VPS13D: variants seen among roughly 807,000 people sequenced by gnomAD.
The protein encoded by VPS13D is intermembrane lipid transfer protein VPS13D.
A neutral mutation model predicts 461.9 loss-of-function variants in VPS13D; 187 were observed. The ratio of observed to expected loss-of-function variants is 0.40; its 90% CI spans 0.36 to 0.46. The LOEUF (loss-of-function observed/expected upper bound fraction) is 0.46, where lower values mean the gene tolerates loss of function less well. Ranked by LOEUF, VPS13D falls within the 20% of genes least tolerant of loss-of-function variation. The probability of loss-of-function intolerance (pLI) is 0.60; values close to 1 mark genes in which losing one functional copy is unlikely to be tolerated. For missense variants in VPS13D, 4,711 were observed against 5,364.9 expected (o/e 0.88, Z 3.81); for synonymous variants, 1,951 against 1,986.3 (o/e 0.98, Z 0.47).
intron 65 of VPS13D, among the ~76,000 whole-genome samples, chr1:12,429,562 C>T (rs1489114380): frequency 6.6e-6 from 1 of 152,124 alleles, no homozygotes; most frequent in Non-Finnish European, 1.5e-5. Flanking sequence ...AAAGTGCTGG[C>T]ATTACAGGCG....
In VPS13D at chr1:12,321,979, T is replaced by C. The variant is rs975810330; in HGVS notation, c.7704+15T>C. The C allele has an allele frequency of 6.2e-7, 1 of 1,613,046 alleles. No individual in the cohort carries two copies. Among genetic ancestry groups the C allele is most frequent in the Non-Finnish European group, 8.5e-7 (1 of 1,179,658 alleles). On this transcript the variant is annotated intron_variant, in intron 33 of 69. Coordinates refer to ENST00000620676, the MANE Select transcript of VPS13D (RefSeq NM_015378.4). ...CTGTCCTGGAGGTAATGATGCAAAA[T>C]CTGTGCAATACGTTGATATGCTCTC... is the stretch of plus-strand genomic sequence containing the variant.
intron 16 of VPS13D, 75 bp from the exon 17 acceptor site, chr1:12,270,919 G>T: frequency 6.5e-7 from 1 of 1,549,650 alleles, no homozygotes; most frequent in Non-Finnish European, 8.8e-7. Flanking sequence ...CATTCTTGGT[G>T]AGAATTGATG....
At chr1:12,482,206 T>C (rs531396222) in intron 67 of VPS13D, among the ~76,000 whole-genome samples, 1 of 152,304 alleles carries the variant, frequency 6.6e-6, no homozygotes, top group South Asian at 2.1e-4. Context: ...CCTCCCAATC[T>C]TGGGAGACGA....
At chr1:12,397,815 T>C (rs1644519614) in intron 60 of VPS13D, among the ~76,000 whole-genome samples, 1 of 152,064 alleles carries the variant, frequency 6.6e-6, no homozygotes, top group Admixed American at 6.5e-5. Context: ...CTTGGAGGAA[T>C]AGAATGAGCA....
At chr1:12,321,136 A>G (rs941656411) in intron 32 of VPS13D, among the ~76,000 whole-genome samples, 2 of 152,288 alleles carry the variant, frequency 1.3e-5, no homozygotes, top group African/African-American at 2.4e-5. Context: ...CTCTCTCCCA[A>G]TGAATGTATT....
intron 33 of VPS13D, 85 bp from the exon 34 acceptor site, chr1:12,322,451 T>G (rs922123638): frequency 3.6e-5 from 49 of 1,356,744 alleles, no homozygotes; most frequent in Admixed American, 2.0e-5. Flanking sequence ...TTTTAGAAGT[T>G]GAAATAGGAA....
At chr1:12,296,570 A>G (rs1435125767) in intron 24 of VPS13D, among the ~76,000 whole-genome samples, 1 of 152,200 alleles carries the variant, frequency 6.6e-6, no homozygotes, top group Non-Finnish European at 1.5e-5. Context: ...TATTAGTTTA[A>G]CCATTTTCCT....
rs763505949 is a variant in VPS13D, at chr1:12,349,320, G to A, written c.9377G>A (p.Ser3126Asn). The change falls in exon 46 of 70, where the codon AGT becomes AAT. Residue 3126 changes from serine to asparagine, a missense_variant. Around this residue, in one of 3 missense-constraint regions of VPS13D, gnomAD observed 4,411 missense variants for 4,937.8 expected, o/e 0.89. Coordinates refer to ENST00000620676, the MANE Select transcript of VPS13D (RefSeq NM_015378.4). ...AATGTAGTGAAGACTGCAGAAATTA[G>A]TAGCAGTAAACGAGAGTGCCACTCT... ...WTNVVKTAEI[S>N]SSKRECHSMD... The A allele has an allele frequency of 1.2e-6, 2 of 1,614,148 alleles. No individual in the cohort carries two copies. The highest frequency in any genetic ancestry group is 1.1e-5 in the South Asian group (1 of 91,078).
chr1:12,326,320 G>GTTTTT (rs1373395284), intron 35 of VPS13D, among the ~76,000 whole-genome samples: 2 of 116,730 alleles, frequency 1.7e-5, no homozygotes, highest in Admixed American at 9.1e-5. Context: ...GAACCTTTTG[G>GTTTTT]ATTTTTTTTT....
Position 12,378,431 on chromosome 1 carries a change from C to T in VPS13D, c.10921C>T (p.Pro3641Ser), listed in dbSNP as rs1644230899. Residue 3641 changes from proline to serine, a missense_variant, in exon 56 of 70, where the codon CCA becomes TCA. Pro to Ser is a moderately conservative substitution (Grantham distance 74). Coordinates refer to ENST00000620676, the MANE Select transcript of VPS13D (RefSeq NM_015378.4). Reference sequence around the variant, plus strand: ...TTTGCTTGTACCTACTTAACAGGAACCAGGAAAGCGTTCTCAGCTGTGGAG... The same window carrying T: ...TTTGCTTGTACCTACTTAACAGGAATCAGGAAAGCGTTCTCAGCTGTGGAG... Reference protein sequence around the residue: ...TQRVILKKKEPGKRSQLWRMT... With the variant: ...TQRVILKKKESGKRSQLWRMT... The T allele has an allele frequency of 1.9e-6, 3 of 1,600,176 alleles. No individual in the cohort carries two copies. The highest frequency in any genetic ancestry group is 1.3e-5 in the African/African-American group (1 of 74,168).
rs1646174636 is a variant in VPS13D at position 12,510,946 on chromosome 1, T to C, written c.*1922T>C. On this transcript the variant is annotated 3_prime_UTR_variant, in exon 70 of 70. Coordinates refer to ENST00000620676, the MANE Select transcript of VPS13D (RefSeq NM_015378.4). ...TTAAAAGATGAGACTCTCGGAAGGG[T>C]TGATTGTATGCGTCAGTGAGCCTTC... 1 of 152,120 alleles carries C rather than the reference T, an allele frequency of 6.6e-6. No homozygotes were observed. Among genetic ancestry groups the C allele is most frequent in the Non-Finnish European group, 1.5e-5 (1 of 68,030 alleles). The allele number at this position is 152,120 out of a possible 1,614,324, so 9.4% of individuals were successfully genotyped here.
intron 67 of VPS13D, chr1:12,497,183 T>G: frequency 5.9e-6 from 1 of 170,242 alleles, no homozygotes; most frequent in Admixed American, 6.2e-5. Flanking sequence ...CACTGTTTTA[T>G]TTGGTCTTCA....
chr1:12,301,534 C>T (rs1402727210), intron 25 of VPS13D, among the ~76,000 whole-genome samples: 5 of 152,224 alleles, frequency 3.3e-5, no homozygotes, highest in African/African-American at 1.2e-4. Context: ...GCTTTTGTGC[C>T]ATGGAATTGG....
At chr1:12,244,734 G>C in intron 5 of VPS13D, 117 bp downstream of exon 5, 1 of 933,418 alleles carries the variant, frequency 1.1e-6, no homozygotes, top group South Asian at 1.6e-5. Flanking sequence ...GGGTGTAGAT[G>C]GGGCTGGCTG....
chr1:12,456,084 C>T lies in VPS13D; in HGVS notation c.12420C>T (p.Ala4140=), dbSNP rs756160070. Residue 4140 remains alanine (A), a synonymous_variant, in exon 66 of 70, where the codon GCC becomes GCT. Coordinates refer to ENST00000620676, the MANE Select transcript of VPS13D (RefSeq NM_015378.4). ...SEREYIRYHA[A]TSGEHLVAGI... is the part of the protein sequence containing the mutation. The stretch of plus-strand genomic sequence containing the variant: ...GGGAGTACATCAGGTACCATGCAGC[C>T]ACAAGTGGTGAACACCTTGTAGCCG... 1.2e-6 allele frequency: 2 copies of T among 1,613,758 alleles called. No individual in the cohort carries two copies. The highest frequency in any genetic ancestry group is 2.7e-5 in the African/African-American group (2 of 74,890).
chr1:12,353,381 A>C (rs1643849450), intron 46 of VPS13D, among the ~76,000 whole-genome samples: 1 of 151,904 alleles, frequency 6.6e-6, no homozygotes, highest in Non-Finnish European at 1.5e-5. Flanking sequence ...AAAATACAAA[A>C]AATTAGCTGG....
At chr1:12,280,924 ATTAAT>A (rs895449688) in intron 20 of VPS13D, among the ~76,000 whole-genome samples, 1 of 151,730 alleles carries the variant, frequency 6.6e-6, no homozygotes, top group Admixed American at 6.5e-5. Context: ...TTGATTAGTA[ATTAAT>A]TTAATAATTT....
intron 7 of VPS13D, among the ~76,000 whole-genome samples, chr1:12,254,241 C>G (rs235229): frequency 0.041 from 6,260 of 152,144 alleles, 254 homozygotes; most frequent in African/African-American, 0.11. Flanking sequence ...GGGTCTCACT[C>G]TGTTGTCCAT....
intron 55 of VPS13D, among the ~76,000 whole-genome samples, 177 bp from the exon 56 acceptor site, chr1:12,378,251 C>A (rs1644228024): frequency 6.6e-6 from 1 of 152,132 alleles, no homozygotes; most frequent in South Asian, 2.1e-4. Flanking sequence ...ACCCTAAGAA[C>A]AACAAAAGAT....
Sources: gnomAD v4.1 joint callset for allele counts (sites outside exome capture counted in the v4.1 genomes callset) on GRCh38, gnomAD v4.1.1 for gene constraint, gnomAD v4.1.1 regional missense constraint, MANE v1.5 for transcripts, NCBI Gene and HGNC (gene_info 2026-07-23, HGNC 2026-07-21) for gene names.